The following AGBL4 variants were observed in gnomAD, a reference collection of about 807,000 sequenced individuals.
AGBL4 encodes the protein cytosolic carboxypeptidase 6.
In AGBL4, 58 loss-of-function variants were observed where a neutral mutation model predicts 66.4. The ratio of observed to expected loss-of-function variants is 0.87; its 90% CI spans 0.71 to 1.09. The LOEUF is 1.09. Among genes scored for constraint, AGBL4 ranks in the 50% least tolerant of loss-of-function variants. The probability of loss-of-function intolerance (pLI) is 0.00; values close to 1 mark genes in which losing one functional copy is unlikely to be tolerated. For synonymous variants in AGBL4, 234 were observed against 222.9 expected (o/e 1.05, Z -0.44); for missense variants, 579 against 631.0 (o/e 0.92, Z 0.88).
chr1:49,610,396 C>T (rs1558098637), intron 3 of AGBL4, among the ~76,000 whole-genome samples: 1 of 152,104 alleles, frequency 6.6e-6, no homozygotes, highest in Non-Finnish European at 1.5e-5. Flanking sequence ...ATCCATTTTT[C>T]AGAGGAAGTA....
intron 1 of AGBL4, among the ~76,000 whole-genome samples, chr1:49,970,423 T>G (rs972872630): frequency 2.0e-5 from 3 of 151,944 alleles, no homozygotes; most frequent in African/African-American, 7.3e-5. Flanking sequence ...AATAATCCCA[T>G]TTAAAAGTGA....
At chr1:49,912,978 C>T (rs1651007514) in intron 1 of AGBL4, among the ~76,000 whole-genome samples, 1 of 152,208 alleles carries the variant, frequency 6.6e-6, no homozygotes, top group South Asian at 2.1e-4. Flanking sequence ...CCGCTCTTAA[C>T]ACTGTTATAA....
At chr1:48,546,579 C>T (rs1644164023) in intron 11 of AGBL4, among the ~76,000 whole-genome samples, 1 of 152,072 alleles carries the variant, frequency 6.6e-6, no homozygotes, top group Admixed American at 6.6e-5. Context: ...TGGAAGGTGA[C>T]GCTGAAATAT....
intron 1 of AGBL4, among the ~76,000 whole-genome samples, chr1:49,895,824 G>A (rs535253434): frequency 9.3e-5 from 14 of 150,768 alleles, no homozygotes; most frequent in South Asian, 6.3e-4. Context: ...AGAAGACCAC[G>A]AAACAACCAG....
intron 3 of AGBL4, among the ~76,000 whole-genome samples, chr1:49,293,984 T>C (rs1644593526): frequency 6.6e-6 from 1 of 152,214 alleles, no homozygotes; most frequent in African/African-American, 2.4e-5. Context: ...TAAATCTAAA[T>C]GTCAACTGAA....
chr1:48,666,979 C>T (rs916765846), intron 6 of AGBL4, among the ~76,000 whole-genome samples: 2 of 152,156 alleles, frequency 1.3e-5, no homozygotes, highest in Non-Finnish European at 2.9e-5. Context: ...AAATGACTTG[C>T]CTAAACTTGC....
chr1:49,101,697 G>T (rs1645205468), intron 4 of AGBL4, among the ~76,000 whole-genome samples: 1 of 152,122 alleles, frequency 6.6e-6, no homozygotes, highest in Non-Finnish European at 1.5e-5. Context: ...TTGTGTCTGT[G>T]TTTGAGGTGT....
At chr1:48,948,869 TAA>T (rs77534382) in intron 5 of AGBL4, among the ~76,000 whole-genome samples, 1 of 141,730 alleles carries the variant, frequency 7.1e-6, no homozygotes. Flanking sequence ...CATAAAAGAC[TAA>T]AAAAAAAAAA....
intron 6 of AGBL4, among the ~76,000 whole-genome samples, chr1:48,779,629 T>C (rs1423257689): frequency 6.6e-6 from 1 of 151,906 alleles, no homozygotes; most frequent in Admixed American, 6.5e-5. Context: ...ATAAAACAAA[T>C]GTATTAAAGA....
intron 5 of AGBL4, among the ~76,000 whole-genome samples, chr1:48,867,993 AG>A (rs1648277493): frequency 1.3e-5 from 2 of 152,120 alleles, no homozygotes; most frequent in South Asian, 2.1e-4. Context: ...TGAAAACCTG[AG>A]GGTAGAGAAG....
intron 3 of AGBL4, among the ~76,000 whole-genome samples, chr1:49,492,584 G>A (rs994316127): frequency 1.3e-5 from 2 of 151,824 alleles, no homozygotes; most frequent in Admixed American, 6.6e-5. Flanking sequence ...ATATAGGTTT[G>A]GTCACTGTAT....
rs568951795 is a variant in AGBL4, at chr1:49,657,069, C to T, written c.282+40244G>A. Reference sequence around the variant, plus strand: ...TTAGGAAAAGAGGAAGTCAAATTGTCCCTCTTTGCAGATGACATGATTGTA... The same window carrying T: ...TTAGGAAAAGAGGAAGTCAAATTGTTCCTCTTTGCAGATGACATGATTGTA... On this transcript the variant is annotated intron_variant, in intron 3 of 13. Transcript: ENST00000371839. 3.3e-5 allele frequency among the ~76,000 whole-genome samples: 5 copies of T among 152,276 alleles called. No homozygotes were observed. The South Asian group carries it at 8.3e-4, about 25-fold the overall frequency.
At chr1:49,672,478 C>A (rs1187909080) in intron 3 of AGBL4, among the ~76,000 whole-genome samples, 3 of 151,336 alleles carry the variant, frequency 2.0e-5, no homozygotes, top group Non-Finnish European at 2.9e-5. Context: ...TTCACATATA[C>A]CTCCAAACCT....
At chr1:48,825,189 C>T (rs893569873) in intron 6 of AGBL4, among the ~76,000 whole-genome samples, 5 of 152,142 alleles carry the variant, frequency 3.3e-5, no homozygotes, top group Non-Finnish European at 7.4e-5. Flanking sequence ...ATTCTCTTCG[C>T]TTCCTATTTT....
At chr1:49,574,712 G>A (rs1470966547) in intron 3 of AGBL4, among the ~76,000 whole-genome samples, 10 of 151,988 alleles carry the variant, frequency 6.6e-5, no homozygotes, top group Non-Finnish European at 1.5e-4. Flanking sequence ...GATAAGTGGT[G>A]GTACTCAACC....
At chr1:49,757,382 T>C (rs1039987446) in intron 2 of AGBL4, among the ~76,000 whole-genome samples, 7 of 152,182 alleles carry the variant, frequency 4.6e-5, no homozygotes, top group Non-Finnish European at 1.0e-4. Context: ...ATAATTGAAA[T>C]GTGCATGTGA....
chr1:49,055,753 A>T (rs1199352105), intron 4 of AGBL4, among the ~76,000 whole-genome samples: 1 of 152,132 alleles, frequency 6.6e-6, no homozygotes, highest in African/African-American at 2.4e-5. Context: ...TTTTTGCTTT[A>T]ATGTACATGA....
chr1:48,555,302 G>A (rs538040984), intron 11 of AGBL4, among the ~76,000 whole-genome samples: 4 of 151,912 alleles, frequency 2.6e-5, no homozygotes, highest in African/African-American at 4.8e-5. Context: ...TGCATACAAC[G>A]ACAAACTCTT....
chr1:48,818,332 T>C (rs1558016222), intron 6 of AGBL4: 2 of 707,978 alleles, frequency 2.8e-6, no homozygotes, highest in East Asian at 5.4e-5. Flanking sequence ...AAGGGGCATA[T>C]TGCCTTAATT....
Sources: allele counts gnomAD v4.1 joint callset (sites outside exome capture counted in the v4.1 genomes callset), GRCh38; gene constraint gnomAD v4.1.1; transcripts MANE v1.5; gene names NCBI Gene and HGNC (gene_info 2026-07-23, HGNC 2026-07-21).